The following PTPRC variants were observed in gnomAD, a reference collection of about 807,000 sequenced individuals.
PTPRC encodes receptor-type tyrosine-protein phosphatase C.
Under a neutral mutation model 155.9 loss-of-function variants are expected in PTPRC, and 44 were observed. That is an observed-to-expected ratio of 0.28 (90% CI 0.22 to 0.36). PTPRC has a LOEUF of 0.36. Ranked by LOEUF, PTPRC falls within the 10% of genes least tolerant of loss-of-function variation. PTPRC has a pLI of 1.00. For missense variants in PTPRC, 1,401 were observed against 1,564.6 expected (o/e 0.90, Z 1.76); for synonymous variants, 525 against 533.1 (o/e 0.98, Z 0.21).
intron 32 of PTPRC, 80 bp from the exon 33 acceptor site, chr1:198,755,826 G>A (rs534818013): frequency 1.1e-4 from 161 of 1,413,584 alleles, no homozygotes; most frequent in Non-Finnish European, 1.5e-4. Flanking sequence ...TAAATCATTA[G>A]TTCTTGCTAA....
At chr1:198,650,730 T>A (rs76306126) in intron 2 of PTPRC, among the ~76,000 whole-genome samples, 15 of 151,928 alleles carry the variant, frequency 9.9e-5, no homozygotes, top group African/African-American at 3.6e-4. Flanking sequence ...AGGGACTGCA[T>A]GTGACAGTGT....
chr1:198,713,871 A>C (rs546625418), intron 12 of PTPRC, among the ~76,000 whole-genome samples: 2 of 152,348 alleles, frequency 1.3e-5, no homozygotes, highest in South Asian at 4.1e-4. Context: ...CATACACTTC[A>C]AAACTTGAAA....
chr1:198,645,385 CAT>C (rs1293033823), intron 2 of PTPRC, among the ~76,000 whole-genome samples: 4 of 151,616 alleles, frequency 2.6e-5, no homozygotes, highest in Non-Finnish European at 5.9e-5. Context: ...ACTGATAAAA[CAT>C]ATTAAGCATA....
intron 2 of PTPRC, among the ~76,000 whole-genome samples, chr1:198,691,234 C>T (rs188818735): frequency 2.0e-5 from 3 of 152,150 alleles, no homozygotes; most frequent in Non-Finnish European, 2.9e-5. Flanking sequence ...TCATGAGCTA[C>T]AAACCTCTAT....
intron 2 of PTPRC, among the ~76,000 whole-genome samples, chr1:198,661,424 C>A (rs1260501330): frequency 6.6e-6 from 1 of 151,080 alleles, no homozygotes; most frequent in African/African-American, 2.4e-5. Flanking sequence ...CACTTTTTTG[C>A]ATTTTTACAA....
chr1:198,755,029 G>C (rs778608282), intron 32 of PTPRC, among the ~76,000 whole-genome samples: 1 of 152,100 alleles, frequency 6.6e-6, no homozygotes, highest in Non-Finnish European at 1.5e-5. Flanking sequence ...TTCCACAAGG[G>C]AAAGAAGACT....
chr1:198,732,619 G>A, intron 20 of PTPRC, 63 bp downstream of exon 20: 2 of 1,305,440 alleles, frequency 1.5e-6, no homozygotes, highest in Non-Finnish European at 1.1e-6. Flanking sequence ...GTTTGTCTTG[G>A]TAAAATTTTA....
chr1:198,695,323 G>T (rs1666143174), intron 3 of PTPRC, among the ~76,000 whole-genome samples: 1 of 146,098 alleles, frequency 6.8e-6, no homozygotes. Context: ...TTGTTGAACT[G>T]ATTTAATTAT....
At chr1:198,722,989 A>G (rs1271408897) in intron 15 of PTPRC, among the ~76,000 whole-genome samples, 1 of 151,864 alleles carries the variant, frequency 6.6e-6, no homozygotes, top group Non-Finnish European at 1.5e-5. Context: ...AAAATTACTT[A>G]GAATTAAATT....
intron 14 of PTPRC, among the ~76,000 whole-genome samples, chr1:198,720,113 G>T (rs2102451308): frequency 6.6e-6 from 1 of 152,178 alleles, no homozygotes; most frequent in South Asian, 2.1e-4. Context: ...CTCTGTCATT[G>T]TGTGTTATTC....
At position 198,744,178 on chromosome 1, in the gene PTPRC, C is replaced by T. The variant is rs577595945; in HGVS notation, c.2822C>T (p.Pro941Leu). ...AAGAAAAGGGATCCACCCAGTGAGC[C>T]GTCTCCACTAGAGGCTGAATTCCAG... ...NMKKRDPPSEPSPLEAEFQRL... is the reference protein window; with the variant it reads ...NMKKRDPPSELSPLEAEFQRL... Residue 941 changes from proline (P) to leucine (L), a missense_variant, in exon 26 of 33, where the codon CCG becomes CTG. By Grantham distance (98) the Pro-to-Leu change is moderately conservative (BLOSUM62 -3). This residue lies in a region of PTPRC where 134 missense variants were observed against 204.7 expected (regional missense o/e 0.65). Transcript: ENST00000442510. 2.2e-5 allele frequency: 35 copies of T among 1,606,384 alleles called. No individual in the cohort carries two copies. Among genetic ancestry groups the T allele is most frequent in the Non-Finnish European group, 2.7e-5 (32 of 1,174,212 alleles).
chr1:198,756,430 A>G lies in PTPRC; in HGVS notation c.*249A>G. 4 of 504,966 alleles carry G rather than the reference A, an allele frequency of 7.9e-6. No individual in the cohort carries two copies. In the South Asian group the frequency reaches 8.5e-5, roughly 11 times the overall value. The allele number at this position is 504,966 out of a possible 1,614,324, so 31.3% of individuals were successfully genotyped here. On this transcript the variant is annotated 3_prime_UTR_variant, in exon 33 of 33. Coordinates refer to ENST00000442510, the MANE Select transcript of PTPRC (RefSeq NM_002838.5). ...AAAAAACAACTTCTTTGTAATCGTT[A>G]TGTGTGTATATGTATGTGTGTATGG...
intron 29 of PTPRC, 59 bp downstream of exon 29, chr1:198,750,685 T>G: frequency 6.3e-7 from 1 of 1,584,606 alleles, no homozygotes. Flanking sequence ...CATTCTCTAG[T>G]CTTGGATTGC....
chr1:198,691,184 G>A (rs916123546), intron 2 of PTPRC, among the ~76,000 whole-genome samples: 4 of 151,988 alleles, frequency 2.6e-5, no homozygotes, highest in African/African-American at 7.2e-5. Context: ...GCTGCAAAAT[G>A]TATCTATATG....
intron 14 of PTPRC, among the ~76,000 whole-genome samples, chr1:198,719,666 G>C (rs1653783537): frequency 6.6e-6 from 1 of 151,468 alleles, no homozygotes; most frequent in South Asian, 2.1e-4. Flanking sequence ...GCTGGAGTGT[G>C]GTGGCGTGAT....
intron 2 of PTPRC, among the ~76,000 whole-genome samples, chr1:198,641,648 A>G (rs1355116271): frequency 6.6e-6 from 1 of 152,024 alleles, no homozygotes; most frequent in East Asian, 1.9e-4. Flanking sequence ...TTTGTTTAGA[A>G]TTTCTAAATA....
At chr1:198,712,905 T>A (rs2102428215) in intron 11 of PTPRC, 48 bp from the exon 12 acceptor site, 1 of 1,556,632 alleles carries the variant, frequency 6.4e-7, no homozygotes, top group Non-Finnish European at 8.9e-7. Flanking sequence ...GAATGCTTTA[T>A]CCATGTCTTA....
At position 198,721,772 on chromosome 1, in the gene PTPRC, T is replaced by C. The variant is rs180788492; in HGVS notation, c.1660-644T>C. Among the ~76,000 whole-genome samples the C allele has an allele frequency of 3.2e-3, 493 of 151,840 alleles. 5 individuals are homozygous for C. The highest frequency in any genetic ancestry group is 0.011 in the African/African-American group (454 of 41,534). ...ATTCTCCATAGGATAAAAGCTTAGA[T>C]ATATATTTGTCAGATTTATTATATT... On this transcript the variant is annotated intron_variant, in intron 14 of 32. Transcript: ENST00000442510.
At chr1:198,648,629 T>C (rs1015586792) in intron 2 of PTPRC, among the ~76,000 whole-genome samples, 2 of 151,864 alleles carry the variant, frequency 1.3e-5, no homozygotes, top group African/African-American at 4.8e-5. Flanking sequence ...TGAACCATTG[T>C]GCACTGAGCT....
Sources: allele counts gnomAD v4.1 joint callset (sites outside exome capture counted in the v4.1 genomes callset), GRCh38; gene constraint gnomAD v4.1.1; regional missense constraint gnomAD v4.1.1; transcripts MANE v1.5; gene names NCBI Gene and HGNC (gene_info 2026-07-23, HGNC 2026-07-21).